KCNH5: variants seen among roughly 807,000 people sequenced by gnomAD.
The protein encoded by KCNH5 is voltage-gated delayed rectifier potassium channel KCNH5.
KCNH5 carries 46 observed loss-of-function variants against 96.1 expected under a neutral mutation model. The ratio of observed to expected loss-of-function variants is 0.48; its 90% CI spans 0.38 to 0.61. The LOEUF (loss-of-function observed/expected upper bound fraction) is 0.61. Among genes scored for constraint, KCNH5 ranks in the 20% least tolerant of loss-of-function variants. The pLI is 0.00. For missense variants in KCNH5, 907 were observed against 1,225.8 expected, an observed-to-expected ratio of 0.74 and a Z score of 3.88; for synonymous variants, 439 against 449.8, an observed-to-expected ratio of 0.98 and a Z score of 0.30.
rs188369907 is a variant in KCNH5, at chr14:62,997,174, C to T, written c.433+4157G>A. Among the ~76,000 whole-genome samples the T allele has an allele frequency of 8.2e-4, 124 of 152,056 alleles. No individual in the cohort carries two copies. In the Middle Eastern group the frequency reaches 0.017, roughly 21 times the overall value. ...CATCCTCTCAAGCATTTATCCTTTG[C>T]GTTAAAAACAATCCAATTAAACTCT... On this transcript the variant is annotated intron_variant, in intron 4 of 10. Transcript: ENST00000322893.
At chr14:62,784,803 C>T (rs1595621100) in intron 9 of KCNH5, among the ~76,000 whole-genome samples, 1 of 152,208 alleles carries the variant, frequency 6.6e-6, no homozygotes, top group East Asian at 1.9e-4. Flanking sequence ...TACACTATTT[C>T]TACCTAAAAT....
chr14:63,007,200 G>A (rs1482926497), intron 2 of KCNH5, among the ~76,000 whole-genome samples: 1 of 151,958 alleles, frequency 6.6e-6, no homozygotes, highest in Non-Finnish European at 1.5e-5. Context: ...AAAGGATGAA[G>A]GTTTCCCAGA....
intron 10 of KCNH5, among the ~76,000 whole-genome samples, chr14:62,721,740 T>C (rs1203463088): frequency 6.6e-6 from 1 of 152,228 alleles, no homozygotes; most frequent in African/African-American, 2.4e-5. Flanking sequence ...CTCTTTCATT[T>C]AGTGCCATGT....
chr14:62,839,406 C>T (rs1319720553), intron 8 of KCNH5, among the ~76,000 whole-genome samples: 1 of 152,128 alleles, frequency 6.6e-6, no homozygotes, highest in African/African-American at 2.4e-5. Context: ...AAGCTATACC[C>T]TGATCTGAAT....
At chr14:63,003,024 A>C (rs1891039941) in intron 3 of KCNH5, among the ~76,000 whole-genome samples, 1 of 152,168 alleles carries the variant, frequency 6.6e-6, no homozygotes, top group African/African-American at 2.4e-5. Flanking sequence ...AGCTTGAGGC[A>C]GAAGGGTCAT....
intron 7 of KCNH5, among the ~76,000 whole-genome samples, chr14:62,853,549 C>A (rs1373178000): frequency 6.9e-6 from 1 of 145,526 alleles, no homozygotes; most frequent in Non-Finnish European, 1.5e-5. Context: ...TCACTCCTAT[C>A]AGTCTTCTCT....
At chr14:62,812,550 C>T (rs1464517162) in intron 8 of KCNH5, among the ~76,000 whole-genome samples, 1 of 152,002 alleles carries the variant, frequency 6.6e-6, no homozygotes, top group African/African-American at 2.4e-5. Flanking sequence ...CTTTCATGCA[C>T]TATGGTATCA....
intron 4 of KCNH5, among the ~76,000 whole-genome samples, chr14:62,992,395 T>C (rs941590716): frequency 2.6e-5 from 4 of 152,048 alleles, no homozygotes; most frequent in African/African-American, 9.7e-5. Flanking sequence ...GTTTGAGAAA[T>C]CTCCATATTG....
chr14:62,818,181 T>C (rs530962696), intron 8 of KCNH5, among the ~76,000 whole-genome samples: 1 of 150,932 alleles, frequency 6.6e-6, no homozygotes, highest in South Asian at 2.1e-4. Context: ...ATGAATAAGT[T>C]CTAGAGACCT....
chr14:63,042,293 A>T (rs985670222), intron 1 of KCNH5, among the ~76,000 whole-genome samples: 2 of 152,084 alleles, frequency 1.3e-5, no homozygotes, highest in African/African-American at 4.8e-5. Context: ...AATCCTAAAA[A>T]AGAAGAAGTA....
intron 10 of KCNH5, among the ~76,000 whole-genome samples, chr14:62,756,477 A>ACC (rs1384363333): frequency 6.6e-6 from 1 of 152,182 alleles, no homozygotes; most frequent in Non-Finnish European, 1.5e-5. Context: ...ACCACAAAAG[A>ACC]CCCAGAAAAG....
chr14:62,810,417 T>C (rs1212530595), intron 8 of KCNH5, among the ~76,000 whole-genome samples: 4 of 152,028 alleles, frequency 2.6e-5, no homozygotes, highest in East Asian at 3.9e-4. Flanking sequence ...CCATCTTGAA[T>C]AGGAGCTGGG....
intron 9 of KCNH5, among the ~76,000 whole-genome samples, chr14:62,791,097 GTCA>G (rs1186837382): frequency 2.0e-5 from 3 of 151,706 alleles, no homozygotes; most frequent in South Asian, 4.1e-4. Flanking sequence ...TGATCATGGT[GTCA>G]TCATTACTAG....
At chr14:62,946,144 G>A (rs368130107) in intron 7 of KCNH5, among the ~76,000 whole-genome samples, 3 of 151,998 alleles carry the variant, frequency 2.0e-5, no homozygotes, top group African/African-American at 7.2e-5. Context: ...GGTAATCTAT[G>A]GAAGGAGAGA....
At position 62,950,391 on chromosome 14, in the gene KCNH5, C is replaced by T; in HGVS notation, c.1111G>A (p.Gly371Arg). The change falls in exon 7 of 11, where the codon GGA becomes AGA. Residue 371 changes from glycine (G) to arginine (R), a missense_variant. Around this residue, in one of 6 missense-constraint regions of KCNH5, gnomAD observed 370 missense variants for 561.3 expected, o/e 0.66. Transcript: ENST00000322893. ...HWLACIWYSIGDYEVIDEVTN... is the reference protein window; with the variant it reads ...HWLACIWYSIRDYEVIDEVTN... ...ACTTCATCAATGACCTCGTAGTCTC[C>T]GATGCTATACCATATGCAGGCCAGC... The T allele has an allele frequency of 1.9e-6, 3 of 1,613,892 alleles. No individual in the cohort carries two copies. Among genetic ancestry groups the T allele is most frequent in the Non-Finnish European group, 2.5e-6 (3 of 1,179,948 alleles).
At chr14:62,731,812 C>T (rs1885056988) in intron 10 of KCNH5, among the ~76,000 whole-genome samples, 1 of 152,092 alleles carries the variant, frequency 6.6e-6, no homozygotes, top group Non-Finnish European at 1.5e-5. Context: ...TCACCAATGG[C>T]CTCCTTCCCT....
intron 1 of KCNH5, among the ~76,000 whole-genome samples, chr14:63,044,490 T>C (rs1891884648): frequency 6.6e-6 from 1 of 152,204 alleles, no homozygotes; most frequent in South Asian, 2.1e-4. Flanking sequence ...AATATATAGA[T>C]GAATGTACAG....
intron 9 of KCNH5, among the ~76,000 whole-genome samples, chr14:62,788,460 C>T (rs2139985585): frequency 6.6e-6 from 1 of 152,128 alleles, no homozygotes; most frequent in East Asian, 1.9e-4. Flanking sequence ...CAACAAAGTA[C>T]TTATACTAGT....
intron 7 of KCNH5, among the ~76,000 whole-genome samples, chr14:62,878,911 A>G (rs1888437801): frequency 6.6e-6 from 1 of 152,076 alleles, no homozygotes; most frequent in Non-Finnish European, 1.5e-5. Context: ...GTCGTACTAG[A>G]TTAGGACCCA....
Sources: gnomAD v4.1 joint callset for allele counts (sites outside exome capture counted in the v4.1 genomes callset) on GRCh38, gnomAD v4.1.1 for gene constraint, gnomAD v4.1.1 regional missense constraint, MANE v1.5 for transcripts, NCBI Gene and HGNC (gene_info 2026-07-23, HGNC 2026-07-21) for gene names.